SPAM1: variants seen among roughly 807,000 people sequenced by gnomAD.
SPAM1 encodes the protein hyaluronidase PH-20.
In SPAM1, 22 loss-of-function variants were observed where a neutral mutation model predicts 29.6. The observed-to-expected ratio is 0.74, with a 90% CI of 0.53 to 1.06. The LOEUF (loss-of-function observed/expected upper bound fraction) is 1.06. SPAM1 is among the 50% of genes least tolerant of loss of function. The pLI is 0.00. For missense variants in SPAM1, 534 were observed against 604.0 expected, an observed-to-expected ratio of 0.88 and a Z score of 1.21; for synonymous variants, 194 against 204.6, an observed-to-expected ratio of 0.95 and a Z score of 0.44.
At chr7:123,946,789 T>C (rs756554829) in intron 1 of SPAM1, among the ~76,000 whole-genome samples, 4 of 152,184 alleles carry the variant, frequency 2.6e-5, no homozygotes, top group Non-Finnish European at 4.4e-5. Flanking sequence ...CATTTTTATA[T>C]AAACAATAAG....
downstream of SPAM1, among the ~76,000 whole-genome samples, chr7:123,960,534 A>C (rs1369246846): frequency 1.3e-5 from 2 of 151,874 alleles, no homozygotes; most frequent in Non-Finnish European, 2.9e-5. Context: ...GCCACTGAAG[A>C]CTCTAATTTG....
intron 1 of SPAM1, among the ~76,000 whole-genome samples, chr7:123,943,136 AG>A: frequency 6.6e-6 from 1 of 152,322 alleles, no homozygotes; most frequent in East Asian, 1.9e-4. Context: ...TTAAGCAAAA[AG>A]TAATAAAAGG....
At chr7:123,961,492 A>G (rs956713554), downstream of SPAM1, among the ~76,000 whole-genome samples, 3 of 151,970 alleles carry the variant, frequency 2.0e-5, no homozygotes, top group Non-Finnish European at 4.4e-5. Context: ...GCAACAAACA[A>G]AATGACTCCA....
At position 123,954,396 on chromosome 7, in the gene SPAM1, C is replaced by T. The variant is rs1408455978; in HGVS notation, c.826C>T (p.Leu276Phe). The change falls in exon 3 of 5, where the codon CTC becomes TTC. Residue 276 changes from leucine (L) to phenylalanine (F), a missense_variant. Leu to Phe is a conservative substitution (Grantham distance 22, BLOSUM62 0). Transcript: ENST00000682466. ...TCAGCAGTCTCCTGTAGCTGCTACA[C>T]TCTATGTGCGCAATCGAGTTCGGGA... ...NTQQSPVAAT[L>F]YVRNRVREAI... 2 of 1,613,502 alleles carry T rather than the reference C, an allele frequency of 1.2e-6. No homozygotes were observed. The highest frequency in any genetic ancestry group is 2.2e-5 in the East Asian group (1 of 44,838).
chr7:123,969,800 A>T (rs1792474272), intron 5 of SPAM1, among the ~76,000 whole-genome samples: 1 of 149,688 alleles, frequency 6.7e-6, no homozygotes, highest in African/African-American at 2.5e-5. Flanking sequence ...TGACTCACCC[A>T]GATTTTAAGA....
At chr7:123,943,872 A>T (rs116421383) in intron 1 of SPAM1, among the ~76,000 whole-genome samples, 2,466 of 152,296 alleles carry the variant, frequency 0.016, 59 homozygotes, top group African/African-American at 0.056. Context: ...CTTAATAAAG[A>T]CAGAATGAAG....
intron 5 of SPAM1, among the ~76,000 whole-genome samples, chr7:123,969,965 A>G (rs1427694134): frequency 6.6e-6 from 1 of 151,986 alleles, no homozygotes; most frequent in Non-Finnish European, 1.5e-5. Context: ...ATTTTAAGAG[A>G]GGTTTCTCTT....
At chr7:123,961,724 G>A (rs939182724), downstream of SPAM1, among the ~76,000 whole-genome samples, 1 of 151,720 alleles carries the variant, frequency 6.6e-6, no homozygotes, top group African/African-American at 2.4e-5. Flanking sequence ...CCATTTTCAC[G>A]CTGCTGATTA....
chr7:123,935,302 A>G (rs564129105), intron 1 of SPAM1, among the ~76,000 whole-genome samples: 30 of 152,284 alleles, frequency 2.0e-4, no homozygotes, highest in African/African-American at 7.2e-4. Context: ...TTGGGGTAGC[A>G]TGTCCTGAAT....
At chr7:123,970,580 T>C (rs1792484564) in intron 6 of SPAM1, among the ~76,000 whole-genome samples, 1 of 141,124 alleles carries the variant, frequency 7.1e-6, no homozygotes, top group African/African-American at 2.7e-5. Flanking sequence ...CACAGTGAGA[T>C]CCCATCTCTA....
At position 123,959,524 on chromosome 7, in the gene SPAM1, T is replaced by C. The variant is rs768932762; in HGVS notation, c.1085T>C (p.Leu362Pro). 5.0e-6 allele frequency: 8 copies of C among 1,612,702 alleles called. No individual in the cohort carries two copies. Among genetic ancestry groups the C allele is most frequent in the South Asian group, 3.3e-5 (3 of 90,992 alleles). Reference sequence around the variant, plus strand: ...CTAGACAATTACATGGAGACTATACTGAATCCTTACATAATCAACGTCACA... The same window carrying C: ...CTAGACAATTACATGGAGACTATACCGAATCCTTACATAATCAACGTCACA... ...LLLDNYMETI[L>P]NPYIINVTLA... Residue 362 changes from leucine to proline, a missense_variant, in exon 5 of 5, where the codon CTG becomes CCG. Transcript: ENST00000682466.
intron 1 of SPAM1, among the ~76,000 whole-genome samples, chr7:123,931,643 G>C (rs1808082668): frequency 6.6e-6 from 1 of 152,162 alleles, no homozygotes; most frequent in Admixed American, 6.5e-5. Context: ...GAAGGCTCCT[G>C]TATATACACA....
chr7:123,964,484 C>T (rs1792398042), downstream of SPAM1, among the ~76,000 whole-genome samples: 1 of 151,562 alleles, frequency 6.6e-6, no homozygotes, highest in African/African-American at 2.4e-5. Context: ...TTTTATTTTT[C>T]TCTGCTAGGT....
intron 1 of SPAM1, chr7:123,925,929 A>G (rs1471442549): frequency 6.6e-6 from 1 of 152,204 alleles, no homozygotes; most frequent in Non-Finnish European, 1.5e-5. Context: ...TTAAGGCACC[A>G]GCTGTGACTA....
At chr7:123,950,861 C>T (rs1808737823) in intron 2 of SPAM1, among the ~76,000 whole-genome samples, 1 of 152,112 alleles carries the variant, frequency 6.6e-6, no homozygotes, top group Non-Finnish European at 1.5e-5. Flanking sequence ...AGAGGTTGTA[C>T]TAATTTACAT....
chr7:123,933,058 T>A (rs554286685), intron 1 of SPAM1, among the ~76,000 whole-genome samples: 312 of 152,104 alleles, frequency 2.1e-3, no homozygotes, highest in African/African-American at 6.6e-3. Context: ...TTTTATTTTT[T>A]TTTTTTTAAA....
rs931693922 is a variant in SPAM1 at position 123,970,306 on chromosome 7, T to A, written c.*48+10T>A. The A allele has an allele frequency of 2.0e-6, 3 of 1,528,586 alleles. 1 individual carries two copies. In the African/African-American group the frequency reaches 4.2e-5, roughly 21 times the overall value. 94.7% of individuals were successfully genotyped at this position (1,528,586 alleles called of 1,614,324 possible). On this transcript the variant is annotated intron_variant, in intron 6 of 6. Transcript: ENST00000340011. Reference sequence around the variant, plus strand: ...TTCCCTTGGCTTACAGGTGACTATCTTCTCCTTGTGTCTTCCATATGTTTC... The same window carrying A: ...TTCCCTTGGCTTACAGGTGACTATCATCTCCTTGTGTCTTCCATATGTTTC...
At chr7:123,928,499 G>A (rs1035547789) in intron 1 of SPAM1, among the ~76,000 whole-genome samples, 5 of 152,182 alleles carry the variant, frequency 3.3e-5, no homozygotes, top group Non-Finnish European at 7.3e-5. Context: ...AGAAAGGCAT[G>A]ATGGATGTTA....
intron 1 of SPAM1, among the ~76,000 whole-genome samples, chr7:123,941,239 T>C (rs2117038419): frequency 6.6e-6 from 1 of 152,352 alleles, no homozygotes; most frequent in East Asian, 1.9e-4. Flanking sequence ...GCTAAGGCTA[T>C]GGACACACCT....
Sources: allele counts gnomAD v4.1 joint callset (sites outside exome capture counted in the v4.1 genomes callset), GRCh38; gene constraint gnomAD v4.1.1; transcripts MANE v1.5; gene names NCBI Gene and HGNC (gene_info 2026-07-23, HGNC 2026-07-21).